The following DNAJC1 variants were observed in gnomAD, a reference collection of about 807,000 sequenced individuals.
The protein encoded by DNAJC1 is DnaJ heat shock protein family (Hsp40) member C1.
A neutral mutation model predicts 76.6 loss-of-function variants in DNAJC1; 58 were observed. The ratio of observed to expected loss-of-function variants is 0.76; its 90% confidence interval spans 0.61 to 0.94. The LOEUF is 0.94. Among genes scored for constraint, DNAJC1 ranks in the 40% least tolerant of loss-of-function variants. The pLI, the probability that DNAJC1 is intolerant of heterozygous loss-of-function variation, is 0.00. For missense variants in DNAJC1, 689 were observed against 677.3 expected, an observed-to-expected ratio of 1.02 and a Z score of -0.19; for synonymous variants, 258 against 267.9, an observed-to-expected ratio of 0.96 and a Z score of 0.36.
At chr10:21,790,536 T>C (rs1211484580) in intron 9 of DNAJC1, among the ~76,000 whole-genome samples, 1 of 142,998 alleles carries the variant, frequency 7.0e-6, no homozygotes, top group African/African-American at 2.5e-5. Flanking sequence ...CACCAAAGAA[T>C]ACTGTACCCA....
intron 6 of DNAJC1, among the ~76,000 whole-genome samples, chr10:21,912,269 T>C (rs745493807): frequency 3.0e-4 from 45 of 152,324 alleles, no homozygotes; most frequent in East Asian, 7.7e-4. Context: ...TTTGGGGAAA[T>C]TGTTTCACCA....
chr10:21,967,034 G>GT (rs1373508534), intron 1 of DNAJC1, among the ~76,000 whole-genome samples: 1 of 129,842 alleles, frequency 7.7e-6, no homozygotes, highest in African/African-American at 2.9e-5. Context: ...TTTTTTTACA[G>GT]TATCTCTCAA....
At chr10:21,853,554 A>G (rs1404874932) in intron 8 of DNAJC1, among the ~76,000 whole-genome samples, 1 of 152,012 alleles carries the variant, frequency 6.6e-6, no homozygotes, top group East Asian at 1.9e-4. Context: ...AATACTAACC[A>G]TATTGTTGTA....
chr10:21,906,683 C>A (rs1836751209), intron 6 of DNAJC1, among the ~76,000 whole-genome samples: 1 of 152,142 alleles, frequency 6.6e-6, no homozygotes, highest in African/African-American at 2.4e-5. Flanking sequence ...ATTAAGAACT[C>A]AGCTCTGCCA....
At chr10:21,787,632 T>C in intron 9 of DNAJC1, among the ~76,000 whole-genome samples, 1 of 152,132 alleles carries the variant, frequency 6.6e-6, no homozygotes, top group Non-Finnish European at 1.5e-5. Context: ...AGCCACATCA[T>C]GAAAAGAAGG....
chr10:21,758,537 C>T (rs1250102974), intron 11 of DNAJC1, among the ~76,000 whole-genome samples: 1 of 152,222 alleles, frequency 6.6e-6, no homozygotes, highest in African/African-American at 2.4e-5. Context: ...GGGAGAAAGG[C>T]CAACTACAAA....
chr10:21,831,786 T>A lies in DNAJC1; in HGVS notation c.979-25687A>T, dbSNP rs960665786. Among the ~76,000 whole-genome samples the A allele has an allele frequency of 1.5e-4, 11 of 75,662 alleles. No individual in the cohort carries two copies. The East Asian group carries it at 3.1e-3, about 21-fold the overall frequency. The allele number at this position is 75,662 out of a possible 152,430, so 49.6% of individuals were successfully genotyped here. On this transcript the variant is annotated intron_variant, in intron 8 of 11. Coordinates refer to ENST00000376980, the MANE Select transcript of DNAJC1 (RefSeq NM_022365.4). ...GCCTGGGCGACAGAGCGAGACTCCA[T>A]CTCAAAAAAAAAAAAAAAAAAATGC... is the stretch of plus-strand genomic sequence containing the variant.
Position 21,830,447 on chromosome 10 carries a change from G to A in DNAJC1, c.979-24348C>T, listed in dbSNP as rs114616491. ...CTTTCTTCTGATATTTTTTGTTGCA[G>A]ATGAGAAGGTAATTGGTAGTATAAC... On this transcript the variant is annotated intron_variant, in intron 8 of 11. Transcript: ENST00000376980. 5.7e-3 allele frequency among the ~76,000 whole-genome samples: 860 copies of A among 152,108 alleles called. 6 individuals carry two copies. Among genetic ancestry groups the A allele is most frequent in the African/African-American group, 0.019 (801 of 41,522 alleles).
intron 1 of DNAJC1, among the ~76,000 whole-genome samples, chr10:21,951,235 A>G (rs1006575005): frequency 6.6e-6 from 1 of 152,068 alleles, no homozygotes; most frequent in African/African-American, 2.4e-5. Context: ...CAGGAGAATC[A>G]CTTGAACCTG....
chr10:21,808,114 T>C (rs958340578), intron 8 of DNAJC1, among the ~76,000 whole-genome samples: 1 of 152,180 alleles, frequency 6.6e-6, no homozygotes, highest in African/African-American at 2.4e-5. Flanking sequence ...CATAAAGATA[T>C]ATACTGATCA....
intron 8 of DNAJC1, among the ~76,000 whole-genome samples, chr10:21,833,252 A>G (rs1484338536): frequency 2.6e-5 from 4 of 152,146 alleles, no homozygotes; most frequent in Non-Finnish European, 4.4e-5. Context: ...CAGGTGGATC[A>G]CAAGGTCAGG....
At chr10:21,834,872 C>T (rs145334185) in intron 8 of DNAJC1, among the ~76,000 whole-genome samples, 2 of 152,216 alleles carry the variant, frequency 1.3e-5, no homozygotes, top group Non-Finnish European at 2.9e-5. Context: ...AGGACGCCTG[C>T]CTACCTCTGT....
intron 9 of DNAJC1, among the ~76,000 whole-genome samples, chr10:21,783,109 C>T (rs531548057): frequency 1.2e-4 from 18 of 152,304 alleles, no homozygotes; most frequent in Admixed American, 6.5e-4. Context: ...GGAAGTCAAA[C>T]TGTCCCTGTT....
intron 8 of DNAJC1, among the ~76,000 whole-genome samples, chr10:21,842,592 T>C (rs1158729613): frequency 1.3e-5 from 2 of 152,230 alleles, no homozygotes; most frequent in African/African-American, 4.8e-5. Flanking sequence ...GTCCTGTAGA[T>C]AGCTATAAAG....
At chr10:21,843,404 T>A (rs943944829) in intron 8 of DNAJC1, among the ~76,000 whole-genome samples, 3 of 150,446 alleles carry the variant, frequency 2.0e-5, no homozygotes, top group Non-Finnish European at 4.4e-5. Context: ...TTTTTTTTTT[T>A]TTTTTTTGAG....
intron 1 of DNAJC1, among the ~76,000 whole-genome samples, chr10:21,987,916 G>T (rs1482346954): frequency 6.6e-6 from 1 of 151,872 alleles, no homozygotes; most frequent in African/African-American, 2.4e-5. Flanking sequence ...ATATAATCCT[G>T]CAAAATTACA....
chr10:21,897,666 G>A (rs560039527), intron 7 of DNAJC1, among the ~76,000 whole-genome samples: 2 of 152,280 alleles, frequency 1.3e-5, no homozygotes, highest in East Asian at 3.9e-4. Flanking sequence ...ACTGCCACCA[G>A]GTGCATGGAA....
chr10:21,969,532 A>G (rs923925825), intron 1 of DNAJC1, among the ~76,000 whole-genome samples: 2 of 152,212 alleles, frequency 1.3e-5, no homozygotes, highest in African/African-American at 4.8e-5. Context: ...CTCTGAGTGT[A>G]AAGAATGTTA....
rs112254774 is a variant in DNAJC1 at position 21,814,008 on chromosome 10, C to T, written c.979-7909G>A. On this transcript the variant is annotated intron_variant, in intron 8 of 11. Transcript: ENST00000376980. ...TGTAGCAGGCTACCTTATTTGCTCACAAGTAAGGTAAAATCTCAAACTCTT... is the reference window on the plus strand; with the variant it reads ...TGTAGCAGGCTACCTTATTTGCTCATAAGTAAGGTAAAATCTCAAACTCTT... Among the ~76,000 whole-genome samples, 1,067 of 152,260 alleles carry T rather than the reference C, an allele frequency of 7.0e-3. 14 individuals are homozygous for T. Among genetic ancestry groups the T allele is most frequent in the African/African-American group, 0.024 (999 of 41,554 alleles).
Sources: allele counts gnomAD v4.1 joint callset (sites outside exome capture counted in the v4.1 genomes callset), GRCh38; gene constraint gnomAD v4.1.1; transcripts MANE v1.5; gene names NCBI Gene and HGNC (gene_info 2026-07-23, HGNC 2026-07-21).